The following ZNF791 variants were observed in gnomAD, a reference collection of about 807,000 sequenced individuals.
ZNF791 encodes zinc finger protein 791.
In ZNF791, 4 loss-of-function variants were observed where a neutral mutation model predicts 11.5. The observed-to-expected ratio is 0.35, with a 90% CI of 0.17 to 0.80. ZNF791 has a LOEUF of 0.80. Among genes scored for constraint, ZNF791 ranks in the 30% least tolerant of loss-of-function variants. The probability of loss-of-function intolerance (pLI) is 0.53; values close to 1 mark genes in which losing one functional copy is unlikely to be tolerated. For missense variants in ZNF791, 559 were observed against 699.4 expected (o/e 0.80, Z 2.26); for synonymous variants, 212 against 228.1 (o/e 0.93, Z 0.64).
intron 1 of ZNF791, among the ~76,000 whole-genome samples, chr19:12,618,254 A>T (rs1366602391): frequency 6.6e-6 from 1 of 152,008 alleles, no homozygotes; most frequent in Non-Finnish European, 1.5e-5. Context: ...GTATTTTTAA[A>T]TTTTTGCCTC....
chr19:12,614,243 A>AT (rs955217020), intron 1 of ZNF791, among the ~76,000 whole-genome samples: 3 of 151,292 alleles, frequency 2.0e-5, no homozygotes, highest in South Asian at 2.1e-4. Context: ...CTTTATTTTT[A>AT]TTTTTTTTGA....
At chr19:12,617,219 G>A (rs1351491677) in intron 1 of ZNF791, among the ~76,000 whole-genome samples, 1 of 149,782 alleles carries the variant, frequency 6.7e-6, no homozygotes, top group East Asian at 2.0e-4. Context: ...TCCGCCTCCC[G>A]GGTTCAAGCG....
chr19:12,623,710 C>T lies in ZNF791; in HGVS notation c.14C>T (p.Ala5Val). The T allele has an allele frequency of 6.2e-7, 1 of 1,614,072 alleles. No individual in the cohort carries two copies. Among genetic ancestry groups the T allele is most frequent in the Non-Finnish European group, 8.5e-7 (1 of 1,179,998 alleles). ...TATTGGATGTTTCAGGACTCAGTGG[C>T]TTTTGAGGATGTGTCTGTGAGCTTC... MDSV[A>V]FEDVSVSFSQ... The change falls in exon 2 of 4, where the codon GCT (alanine) becomes GTT (valine). Residue 5 changes from alanine (A) to valine (V), a missense_variant. By Grantham distance (64) the Ala-to-Val change is moderately conservative. Coordinates refer to ENST00000343325, the MANE Select transcript of ZNF791 (RefSeq NM_153358.3).
Position 12,630,155 on chromosome 19 carries a change from C to CAA in ZNF791, c.*912_*913dup, listed in dbSNP as rs761895024. 0.066 allele frequency: 7,852 copies of CAA among 118,240 alleles called. 787 individuals are homozygous for CAA. Among genetic ancestry groups the CAA allele is most frequent in the African/African-American group, 0.23 (7,249 of 31,756 alleles). The allele number at this position is 118,240 out of a possible 1,614,324, so 7.3% of individuals were successfully genotyped here. The stretch of plus-strand genomic sequence containing the variant: ...AGCATGGGTGACAGTGAGACTGTAT[C>CAA]AAAAAAAAAAAAAAAAAATTGGCTG... On this transcript the variant is annotated 3_prime_UTR_variant, in exon 4 of 4. Transcript: ENST00000343325.
intron 2 of ZNF791, among the ~76,000 whole-genome samples, chr19:12,624,044 C>T (rs551223024): frequency 4.7e-5 from 7 of 149,988 alleles, no homozygotes; most frequent in African/African-American, 9.8e-5. Flanking sequence ...TTAGTAGAGA[C>T]GGGATTTCAC....
chr19:12,618,808 AGTGTGTGTGTGTGTGTGTGTGTGT>A (rs60468264), intron 1 of ZNF791, among the ~76,000 whole-genome samples: 3 of 143,612 alleles, frequency 2.1e-5, no homozygotes, highest in Non-Finnish European at 4.5e-5. Flanking sequence ...TTTACCTCTC[AGTGTGTGTGTGTGTGTGTGTGTGT>A]GTGTGTGTGT....
At chr19:12,614,917 T>TTTTTTTTTTTC in intron 1 of ZNF791, among the ~76,000 whole-genome samples, 1 of 135,662 alleles carries the variant, frequency 7.4e-6, no homozygotes, top group Non-Finnish European at 1.6e-5. Context: ...TTTTTTTTTT[T>TTTTTTTTTTTC]TTTTTTTTTT....
At chr19:12,614,257 C>T (rs1331050684) in intron 1 of ZNF791, among the ~76,000 whole-genome samples, 3 of 151,788 alleles carry the variant, frequency 2.0e-5, no homozygotes, top group Non-Finnish European at 2.9e-5. Context: ...TTTTTGAGAC[C>T]GAGTCTCACT....
rs1416459402 is a variant in ZNF791, at chr19:12,633,760, G to C, written c.*4500G>C. 1 of 150,260 alleles carries C rather than the reference G, an allele frequency of 6.7e-6. No individual in the cohort carries two copies. The highest frequency in any genetic ancestry group is 1.5e-5 in the Non-Finnish European group (1 of 67,710). The allele number at this position is 150,260 out of a possible 1,614,324, so 9.3% of individuals were successfully genotyped here. ...CTTTAATTTGTATGGTTCTTGTTCT[G>C]TTAATGCCACTAGGGACTATGTATT... On this transcript the variant is annotated 3_prime_UTR_variant, in exon 4 of 4. Coordinates refer to ENST00000343325, the MANE Select transcript of ZNF791 (RefSeq NM_153358.3).
chr19:12,632,297 G>A lies in ZNF791; in HGVS notation c.*3037G>A, dbSNP rs1390382624. 6.6e-6 allele frequency: 1 copy of A among 151,762 alleles called. No homozygotes were observed. The highest frequency in any genetic ancestry group is 1.5e-5 in the Non-Finnish European group (1 of 67,958). The allele number at this position is 151,762 out of a possible 1,614,324, so 9.4% of individuals were successfully genotyped here. A position where few individuals can be genotyped will look rare whatever the true frequency, so the allele number is the denominator to read the frequency against. On this transcript the variant is annotated 3_prime_UTR_variant, in exon 4 of 4. Coordinates refer to ENST00000343325, the MANE Select transcript of ZNF791 (RefSeq NM_153358.3). ...TTTTTTTTTTCTTTTAAAGACCAGTGTTAGTAGAAGTGTATTTTTAATATA... is the reference window on the plus strand; with the variant it reads ...TTTTTTTTTTCTTTTAAAGACCAGTATTAGTAGAAGTGTATTTTTAATATA...
Position 12,633,102 on chromosome 19 carries a change from T to A in ZNF791, c.*3842T>A, listed in dbSNP as rs2023519905. The A allele has an allele frequency of 1.3e-5, 2 of 152,126 alleles. No individual in the cohort carries two copies. The highest frequency in any genetic ancestry group is 6.6e-5 in the Admixed American group (1 of 15,254). 9.4% of individuals were successfully genotyped at this position (152,126 alleles called of 1,614,324 possible). A position where few individuals can be genotyped will look rare whatever the true frequency, so the allele number is the denominator to read the frequency against. ...AGAACGAGACTCCATCTCAAATAAA[T>A]AAATAAATAAAATGAATTTCAGCTA... On this transcript the variant is annotated 3_prime_UTR_variant, in exon 4 of 4. Coordinates refer to ENST00000343325, the MANE Select transcript of ZNF791 (RefSeq NM_153358.3).
At chr19:12,622,771 A>G (rs928776425) in intron 1 of ZNF791, among the ~76,000 whole-genome samples, 29 of 152,076 alleles carry the variant, frequency 1.9e-4, no homozygotes, top group African/African-American at 6.7e-4. Flanking sequence ...GCACGCGCCT[A>G]TAATCCCAGC....
intron 1 of ZNF791, among the ~76,000 whole-genome samples, chr19:12,616,551 A>G (rs959943032): frequency 2.0e-5 from 3 of 152,078 alleles, no homozygotes; most frequent in African/African-American, 4.8e-5. Flanking sequence ...AATTAGCCCA[A>G]TGTGGGTGGC....
intron 1 of ZNF791, among the ~76,000 whole-genome samples, chr19:12,617,987 A>G (rs935745161): frequency 6.9e-6 from 1 of 144,870 alleles, no homozygotes; most frequent in Non-Finnish European, 1.5e-5. Flanking sequence ...GCAAGAACTC[A>G]GCTCACTGCA....
In ZNF791 at chr19:12,610,943, G is replaced by A. The variant is rs2023145909; in HGVS notation, c.-137G>A. The A allele has an allele frequency of 8.2e-7, 1 of 1,219,736 alleles. No individual in the cohort carries two copies. The highest frequency in any genetic ancestry group is 1.8e-5 in the Admixed American group (1 of 56,332). The allele number at this position is 1,219,736 out of a possible 1,614,324, so 75.6% of individuals were successfully genotyped here. On this transcript the variant is annotated 5_prime_UTR_variant, in exon 1 of 4. Transcript: ENST00000343325. ...GCAAATGCGTGCTACGTCACTGTGC[G>A]ATCGGGTTGTGCTTAGCTTGGGGTC...
intron 3 of ZNF791, among the ~76,000 whole-genome samples, chr19:12,625,125 A>T (rs761222889): frequency 6.6e-6 from 1 of 150,748 alleles, no homozygotes; most frequent in African/African-American, 2.4e-5. Context: ...TATTTGTTTT[A>T]TTTATTTTTT....
chr19:12,612,410 C>CTTTT (rs759342780), intron 1 of ZNF791: 2 of 143,960 alleles, frequency 1.4e-5, no homozygotes, highest in Non-Finnish European at 3.0e-5. Context: ...TGCTTCCTTC[C>CTTTT]TTTATTTATT....
At chr19:12,611,571 T>C (rs2023157865) in intron 1 of ZNF791, among the ~76,000 whole-genome samples, 1 of 152,204 alleles carries the variant, frequency 6.6e-6, no homozygotes, top group African/African-American at 2.4e-5. Context: ...CACCAACTCT[T>C]TGTCCTGTGT....
chr19:12,626,401 G>T (rs558667972), intron 3 of ZNF791, among the ~76,000 whole-genome samples: 1 of 150,000 alleles, frequency 6.7e-6, no homozygotes, highest in African/African-American at 2.5e-5. Flanking sequence ...TGCCCGCCTC[G>T]GCCTCCCAAA....
Sources: gnomAD v4.1 joint callset for allele counts (sites outside exome capture counted in the v4.1 genomes callset) on GRCh38, gnomAD v4.1.1 for gene constraint, MANE v1.5 for transcripts, NCBI Gene and HGNC (gene_info 2026-07-23, HGNC 2026-07-21) for gene names.